Variants in TMEM117 observed in about 807,000 individuals in gnomAD.
TMEM117 encodes the protein transmembrane protein 117.
Under a neutral mutation model 52.4 loss-of-function variants are expected in TMEM117, and 27 were observed. That is an observed-to-expected ratio of 0.51 (90% CI 0.38 to 0.71). The LOEUF (loss-of-function observed/expected upper bound fraction) is 0.71. TMEM117 is among the 30% of genes least tolerant of loss of function. TMEM117 has a pLI of 0.00. For synonymous variants in TMEM117, 215 were observed against 206.3 expected (o/e 1.04, Z -0.36); for missense variants, 556 against 630.5 (o/e 0.88, Z 1.26).
At chr12:44,275,266 TA>T (rs1452322812) in intron 5 of TMEM117, among the ~76,000 whole-genome samples, 7 of 152,062 alleles carry the variant, frequency 4.6e-5, no homozygotes, top group African/African-American at 1.7e-4. Flanking sequence ...TCACCCCAGT[TA>T]AAATGGTTTC....
chr12:43,948,243 AT>A (rs1384318547), intron 3 of TMEM117, among the ~76,000 whole-genome samples: 1 of 152,066 alleles, frequency 6.6e-6, no homozygotes, highest in African/African-American at 2.4e-5. Flanking sequence ...CTTGTCTCAA[AT>A]TTGACTCTCT....
At chr12:44,040,859 T>C (rs2137895494) in intron 3 of TMEM117, among the ~76,000 whole-genome samples, 1 of 152,336 alleles carries the variant, frequency 6.6e-6, no homozygotes, top group South Asian at 2.1e-4. Flanking sequence ...GCATGATTAT[T>C]CTCTATTCAT....
chr12:44,156,213 G>A (rs1948823633), intron 4 of TMEM117, among the ~76,000 whole-genome samples: 1 of 152,100 alleles, frequency 6.6e-6, no homozygotes, highest in Non-Finnish European at 1.5e-5. Context: ...TCAAGTTCAT[G>A]CTGTATTTGT....
At chr12:44,348,516 C>T (rs565127947) in intron 6 of TMEM117, among the ~76,000 whole-genome samples, 13 of 152,050 alleles carry the variant, frequency 8.5e-5, no homozygotes, top group South Asian at 4.1e-4. Flanking sequence ...TCTGATAATA[C>T]GTTCTTAGTG....
At chr12:43,935,174 T>A (rs1376266884) in intron 2 of TMEM117, among the ~76,000 whole-genome samples, 1 of 152,146 alleles carries the variant, frequency 6.6e-6, no homozygotes, top group African/African-American at 2.4e-5. Flanking sequence ...GCCTGGCTAA[T>A]TTTTTGTATT....
intron 4 of TMEM117, among the ~76,000 whole-genome samples, chr12:44,152,409 T>C (rs1592561975): frequency 8.7e-6 from 1 of 115,146 alleles, no homozygotes; most frequent in African/African-American, 3.6e-5. Flanking sequence ...ATTTATATCA[T>C]ATATAAATTT....
At chr12:43,858,472 G>A (rs1391355164) in intron 2 of TMEM117, among the ~76,000 whole-genome samples, 1 of 152,196 alleles carries the variant, frequency 6.6e-6, no homozygotes, top group Non-Finnish European at 1.5e-5. Context: ...GCCCCCACAA[G>A]AAGTCCTATA....
chr12:44,305,007 G>C (rs942149112), intron 6 of TMEM117, among the ~76,000 whole-genome samples: 2 of 152,114 alleles, frequency 1.3e-5, no homozygotes, highest in Non-Finnish European at 2.9e-5. Flanking sequence ...CACAGAGTTG[G>C]CTCCTGAGGT....
chr12:44,369,143 A>AT (rs1245977899), intron 6 of TMEM117, among the ~76,000 whole-genome samples: 2 of 152,282 alleles, frequency 1.3e-5, no homozygotes, highest in Admixed American at 6.5e-5. Context: ...CATTATTCCT[A>AT]GATGCCACAT....
At chr12:44,129,102 G>C (rs1393331340) in intron 3 of TMEM117, among the ~76,000 whole-genome samples, 1 of 152,206 alleles carries the variant, frequency 6.6e-6, no homozygotes, top group African/African-American at 2.4e-5. Flanking sequence ...TAGTTCCACA[G>C]ACTTCTGTCT....
At chr12:44,038,624 T>C (rs1592463065) in intron 3 of TMEM117, among the ~76,000 whole-genome samples, 1 of 152,144 alleles carries the variant, frequency 6.6e-6, no homozygotes, top group East Asian at 1.9e-4. Context: ...CAGGCTCGAG[T>C]AAAAACTTGG....
intron 3 of TMEM117, among the ~76,000 whole-genome samples, chr12:43,956,354 C>T (rs1945305237): frequency 1.3e-5 from 2 of 152,018 alleles, no homozygotes; most frequent in Admixed American, 1.3e-4. Context: ...AGTGAACAGA[C>T]AACTTATGGA....
chr12:44,315,731 G>A (rs937194216), intron 6 of TMEM117, among the ~76,000 whole-genome samples: 9 of 152,054 alleles, frequency 5.9e-5, no homozygotes, highest in African/African-American at 1.9e-4. Context: ...ATTAATGTGG[G>A]TGCTCCGATG....
chr12:43,858,342 G>T (rs1186116139), intron 2 of TMEM117, among the ~76,000 whole-genome samples: 1 of 152,164 alleles, frequency 6.6e-6, no homozygotes, highest in African/African-American at 2.4e-5. Context: ...CCTTAGGACC[G>T]GATTGTGCTA....
chr12:43,869,856 A>T (rs1359412122), intron 2 of TMEM117, among the ~76,000 whole-genome samples: 1 of 152,258 alleles, frequency 6.6e-6, no homozygotes, highest in African/African-American at 2.4e-5. Context: ...AGATTATCCC[A>T]TCACCCAGGT....
chr12:44,283,930 A>G (rs1950607554), intron 5 of TMEM117, among the ~76,000 whole-genome samples: 1 of 151,956 alleles, frequency 6.6e-6, no homozygotes, highest in Non-Finnish European at 1.5e-5. Flanking sequence ...TACTCTTAGG[A>G]TAGGGTGAAT....
chr12:44,256,173 A>G (rs1950258331), intron 5 of TMEM117, among the ~76,000 whole-genome samples: 1 of 151,756 alleles, frequency 6.6e-6, no homozygotes, highest in Non-Finnish European at 1.5e-5. Flanking sequence ...ATACATACCC[A>G]CAGAATAAGG....
intron 4 of TMEM117, among the ~76,000 whole-genome samples, chr12:44,147,030 A>C (rs1194787129): frequency 6.6e-6 from 1 of 152,160 alleles, no homozygotes; most frequent in African/African-American, 2.4e-5. Context: ...GGCAGCTCTG[A>C]CTTTTCCTGG....
intron 4 of TMEM117, among the ~76,000 whole-genome samples, chr12:44,161,084 A>G (rs918549283): frequency 1.3e-5 from 2 of 152,194 alleles, no homozygotes; most frequent in Non-Finnish European, 1.5e-5. Flanking sequence ...ACTGGGCAAT[A>G]GGGTTTTCAG....
Sources: gnomAD v4.1 joint callset for allele counts (sites outside exome capture counted in the v4.1 genomes callset) on GRCh38, gnomAD v4.1.1 for gene constraint, MANE v1.5 for transcripts, NCBI Gene and HGNC (gene_info 2026-07-23, HGNC 2026-07-21) for gene names.